The following SEMA3A variants were observed in gnomAD, a reference collection of about 807,000 sequenced individuals.
The protein encoded by SEMA3A is semaphorin 3A.
SEMA3A carries 29 observed loss-of-function variants against 97.9 expected under a neutral mutation model. That is an observed-to-expected ratio of 0.30 (90% CI 0.22 to 0.40). SEMA3A has a LOEUF of 0.40. SEMA3A is among the 10% of genes least tolerant of loss of function. The pLI is 1.00. For missense variants in SEMA3A, 763 were observed against 951.3 expected (o/e 0.80, Z 2.60); for synonymous variants, 321 against 323.7 (o/e 0.99, Z 0.09).
chr7:84,149,727 G>A (rs1336915951), intron 1 of SEMA3A, among the ~76,000 whole-genome samples: 2 of 152,138 alleles, frequency 1.3e-5, no homozygotes, highest in Non-Finnish European at 2.9e-5. Context: ...TACTAACAAT[G>A]TTAAAATTAC....
intron 1 of SEMA3A, among the ~76,000 whole-genome samples, chr7:84,453,062 A>C (rs1805598731): frequency 6.6e-6 from 1 of 152,140 alleles, no homozygotes; most frequent in Non-Finnish European, 1.5e-5. Context: ...AACCTAATCC[A>C]AAACCTTCCA....
intron 1 of SEMA3A, among the ~76,000 whole-genome samples, chr7:84,186,075 T>C (rs1007390680): frequency 6.6e-6 from 1 of 152,174 alleles, no homozygotes; most frequent in Non-Finnish European, 1.5e-5. Context: ...ATTCTAAATA[T>C]ATTGCTGTTT....
chr7:84,054,116 C>A (rs1487772851), intron 5 of SEMA3A, among the ~76,000 whole-genome samples: 1 of 151,806 alleles, frequency 6.6e-6, no homozygotes, highest in East Asian at 1.9e-4. Flanking sequence ...TTGAGGGTAA[C>A]CCGACCTTTC....
intron 3 of SEMA3A, among the ~76,000 whole-genome samples, chr7:84,302,444 A>G (rs1801041081): frequency 1.3e-5 from 2 of 152,148 alleles, no homozygotes; most frequent in Admixed American, 6.5e-5. Flanking sequence ...GTTTTTACAT[A>G]CCTCAAGGAC....
chr7:84,331,003 A>G (rs1801898774), intron 2 of SEMA3A, among the ~76,000 whole-genome samples: 1 of 152,162 alleles, frequency 6.6e-6, no homozygotes, highest in Non-Finnish European at 1.5e-5. Flanking sequence ...TAGGTTTTAT[A>G]GATCAAAGTC....
intron 1 of SEMA3A, among the ~76,000 whole-genome samples, chr7:84,178,955 T>G (rs1303633492): frequency 6.6e-6 from 1 of 151,060 alleles, no homozygotes; most frequent in East Asian, 2.0e-4. Flanking sequence ...TTCCCACCCC[T>G]CCATGCCTGC....
intron 1 of SEMA3A, among the ~76,000 whole-genome samples, chr7:84,427,649 CAAAAAAAAAA>C (rs55872394): frequency 4.1e-5 from 3 of 73,002 alleles, no homozygotes; most frequent in East Asian, 8.4e-4. Context: ...GATTCTGTCT[CAAAAAAAAAA>C]AAAAAAAAAA....
intron 3 of SEMA3A, among the ~76,000 whole-genome samples, chr7:84,299,288 C>CTCTATATATATATCTCCATATATATATA (rs1562891933): frequency 7.8e-6 from 1 of 127,400 alleles, no homozygotes; most frequent in East Asian, 2.4e-4. Flanking sequence ...ATATATATAT[C>CTCTATATATATATCTCCATATATATATA]TATCTCCATA....
At chr7:84,052,394 T>C (rs1186144727) in intron 5 of SEMA3A, among the ~76,000 whole-genome samples, 1 of 152,158 alleles carries the variant, frequency 6.6e-6, no homozygotes, top group East Asian at 1.9e-4. Context: ...TCAGATCCTG[T>C]TATTGGTCTA....
At chr7:84,081,760 A>G (rs1794171314) in intron 4 of SEMA3A, among the ~76,000 whole-genome samples, 1 of 152,052 alleles carries the variant, frequency 6.6e-6, no homozygotes, top group Admixed American at 6.5e-5. Context: ...TATTACATCC[A>G]TATATGCATA....
intron 2 of SEMA3A, among the ~76,000 whole-genome samples, chr7:84,356,358 A>G (rs1311032388): frequency 6.6e-6 from 1 of 151,578 alleles, no homozygotes; most frequent in Non-Finnish European, 1.5e-5. Context: ...TATATCCAAT[A>G]ATGAAATCCA....
At chr7:84,464,784 A>G (rs1805948500) in intron 1 of SEMA3A, among the ~76,000 whole-genome samples, 1 of 152,222 alleles carries the variant, frequency 6.6e-6, no homozygotes, top group Non-Finnish European at 1.5e-5. Flanking sequence ...TGAAAGTCAT[A>G]TTTAGTTGGT....
chr7:84,392,599 C>T (rs1234625922), intron 1 of SEMA3A, among the ~76,000 whole-genome samples: 2 of 152,008 alleles, frequency 1.3e-5, no homozygotes, highest in Non-Finnish European at 2.9e-5. Context: ...GTGGCATTGC[C>T]GGTAATTGAA....
At chr7:84,089,150 C>T (rs1443810915) in intron 4 of SEMA3A, among the ~76,000 whole-genome samples, 3 of 152,070 alleles carry the variant, frequency 2.0e-5, no homozygotes, top group Non-Finnish European at 4.4e-5. Flanking sequence ...AGCATATTGT[C>T]AGAGGAGTAG....
chr7:84,045,427 A>C (rs1050499164), intron 6 of SEMA3A, among the ~76,000 whole-genome samples: 11 of 151,868 alleles, frequency 7.2e-5, no homozygotes, highest in Non-Finnish European at 1.2e-4. Flanking sequence ...GTAGGTATAA[A>C]TATAGATAAT....
intron 4 of SEMA3A, among the ~76,000 whole-genome samples, chr7:84,103,033 A>C (rs1795004155): frequency 1.3e-5 from 2 of 152,276 alleles, no homozygotes; most frequent in African/African-American, 4.8e-5. Context: ...AAAGAAATCC[A>C]ATTAAAATTA....
intron 3 of SEMA3A, among the ~76,000 whole-genome samples, chr7:84,212,997 C>G (rs971427895): frequency 1.4e-4 from 21 of 152,192 alleles, no homozygotes; most frequent in Admixed American, 1.3e-3. Context: ...GAGTTTCACT[C>G]TTGTTGCCCA....
intron 5 of SEMA3A, among the ~76,000 whole-genome samples, chr7:84,055,017 GGGGTCA>G: frequency 6.6e-6 from 1 of 152,236 alleles, no homozygotes; most frequent in East Asian, 1.9e-4. Context: ...AGGCTGCTCA[GGGGTCA>G]GGGGTCAGGG....
At chr7:84,313,778 C>T (rs116811984) in intron 2 of SEMA3A, among the ~76,000 whole-genome samples, 3,996 of 151,956 alleles carry the variant, frequency 0.026, 178 homozygotes, top group African/African-American at 0.091. Flanking sequence ...AGCCCTCTCA[C>T]GTAAGCTATT....
Sources: gnomAD v4.1 joint callset for allele counts (sites outside exome capture counted in the v4.1 genomes callset) on GRCh38, gnomAD v4.1.1 for gene constraint, MANE v1.5 for transcripts, NCBI Gene and HGNC (gene_info 2026-07-23, HGNC 2026-07-21) for gene names.